The following POLN variants were observed in gnomAD, a reference collection of about 807,000 sequenced individuals.
POLN encodes DNA polymerase N.
A neutral mutation model predicts 113.5 loss-of-function variants in POLN; 108 were observed. That is an observed-to-expected ratio of 0.95 (90% CI 0.81 to 1.12). POLN has a LOEUF of 1.12. Ranked by LOEUF, POLN falls within the 50% of genes most tolerant of loss-of-function variation. The pLI is 0.00. For missense variants in POLN, 1,097 were observed against 1,077.1 expected (o/e 1.02, Z -0.26); for synonymous variants, 386 against 391.5 (o/e 0.99, Z 0.17).
chr4:2,164,871 C>T (rs1732692208), intron 13 of POLN, among the ~76,000 whole-genome samples: 1 of 126,154 alleles, frequency 7.9e-6, no homozygotes, highest in South Asian at 2.8e-4. Flanking sequence ...ATACCCAACA[C>T]CTATTAGAAT....
chr4:2,136,826 G>A (rs1187643069), intron 16 of POLN, among the ~76,000 whole-genome samples: 1 of 152,214 alleles, frequency 6.6e-6, no homozygotes, highest in African/African-American at 2.4e-5. Context: ...AAAAGGTGAT[G>A]GCAGCCCTGC....
chr4:2,130,082 T>C (rs1007831050), intron 17 of POLN, among the ~76,000 whole-genome samples: 1 of 151,810 alleles, frequency 6.6e-6, no homozygotes, highest in Admixed American at 6.6e-5. Flanking sequence ...GGTGAAACCC[T>C]ATCTCTACTA....
chr4:2,130,266 A>AGAGGAGAGGGGAGGAGAGGG (rs1279034389), intron 17 of POLN, among the ~76,000 whole-genome samples: 40 of 121,648 alleles, frequency 3.3e-4, no homozygotes, highest in African/African-American at 1.1e-3. Context: ...ACAGAAGAGG[A>AGAGGAGAGGGGAGGAGAGGG]GAGGAGAGGG....
chr4:2,224,454 A>G (rs1046655963), intron 3 of POLN, among the ~76,000 whole-genome samples: 3 of 152,240 alleles, frequency 2.0e-5, no homozygotes, highest in African/African-American at 4.8e-5. Flanking sequence ...TATATAAACC[A>G]GTAACACAGT....
chr4:2,163,272 G>A (rs1417784500), intron 13 of POLN, among the ~76,000 whole-genome samples: 1 of 152,190 alleles, frequency 6.6e-6, no homozygotes, highest in East Asian at 1.9e-4. Context: ...CTATCCCTAG[G>A]TGGGTGAAAG....
intron 16 of POLN, among the ~76,000 whole-genome samples, chr4:2,145,965 A>T (rs1732127944): frequency 6.6e-6 from 1 of 152,210 alleles, no homozygotes; most frequent in African/African-American, 2.4e-5. Flanking sequence ...AACACAGATA[A>T]ATCTCAAAAA....
intron 6 of POLN, among the ~76,000 whole-genome samples, chr4:2,196,517 C>T (rs940698352): frequency 6.6e-6 from 1 of 152,010 alleles, no homozygotes; most frequent in African/African-American, 2.4e-5. Flanking sequence ...CATGGCCACC[C>T]AATGCTATGT....
chr4:2,227,160 T>C (rs1734418771), intron 3 of POLN, among the ~76,000 whole-genome samples: 1 of 152,188 alleles, frequency 6.6e-6, no homozygotes, highest in African/African-American at 2.4e-5. Context: ...TATATAAAAC[T>C]GTAATGTCAG....
Position 2,153,978 on chromosome 4 carries a change from A to C in POLN, c.1731+2810T>G, listed in dbSNP as rs374694715. Among the ~76,000 whole-genome samples the C allele has an allele frequency of 3.5e-3, 523 of 151,580 alleles. 3 individuals carry two copies. The Middle Eastern group carries it at 0.061, about 18-fold the overall frequency. On this transcript the variant is annotated intron_variant, in intron 16 of 25. Coordinates refer to ENST00000511885, the MANE Select transcript of POLN (RefSeq NM_181808.4). ...TTTGGGAGGCCGAGGCGGGCGGATC[A>C]CAAGGTCAGGAGATTGAGACCATCC... is the stretch of plus-strand genomic sequence containing the variant.
intron 2 of POLN, chr4:2,231,227 A>G (rs1734568472): frequency 6.6e-6 from 1 of 152,250 alleles, no homozygotes; most frequent in Non-Finnish European, 1.5e-5. Flanking sequence ...TTGACAGTCA[A>G]ACATGAGGGG....
chr4:2,232,780 T>C lies in POLN; in HGVS notation c.-12-3537A>G, dbSNP rs148396437. Among the ~76,000 whole-genome samples the C allele has an allele frequency of 7.8e-3, 1,186 of 152,300 alleles. 10 individuals are homozygous for C. Among genetic ancestry groups the C allele is most frequent in the Non-Finnish European group, 9.8e-3 (666 of 67,998 alleles). On this transcript the variant is annotated intron_variant, in intron 2 of 25. Transcript: ENST00000511885. The stretch of plus-strand genomic sequence containing the variant: ...CAGTAAATTCAAATTCCTCAGTGTC[T>C]AGCATTTAAACCAGATTATTAACAA...
At chr4:2,110,599 A>G (rs1458095851) in intron 19 of POLN, among the ~76,000 whole-genome samples, 1 of 152,230 alleles carries the variant, frequency 6.6e-6, no homozygotes, top group Non-Finnish European at 1.5e-5. Context: ...CCATCAGAGA[A>G]TACTATAAAC....
chr4:2,155,731 T>C (rs541054012), intron 16 of POLN, among the ~76,000 whole-genome samples: 2 of 152,330 alleles, frequency 1.3e-5, no homozygotes, highest in South Asian at 4.1e-4. Context: ...TTCATATATT[T>C]AAATTTAAAT....
intron 13 of POLN, 78 bp from the exon 14 acceptor site, chr4:2,159,289 TC>T (rs1732519113): frequency 8.2e-7 from 1 of 1,214,104 alleles, no homozygotes; most frequent in African/African-American, 1.5e-5. Context: ...CTGGAGAAAG[TC>T]CTCATAATAA....
At chr4:2,190,978 C>T (rs772705061) in intron 7 of POLN, among the ~76,000 whole-genome samples, 6 of 152,080 alleles carry the variant, frequency 3.9e-5, no homozygotes, top group Non-Finnish European at 5.9e-5. Flanking sequence ...CCTCAAAAAA[C>T]GAAATAGAAC....
At chr4:2,124,028 A>T (rs907026744) in intron 19 of POLN, among the ~76,000 whole-genome samples, 2 of 152,342 alleles carry the variant, frequency 1.3e-5, no homozygotes, top group South Asian at 4.1e-4. Context: ...GGAATGAAGT[A>T]CTGTTAGCTC....
intron 3 of POLN, among the ~76,000 whole-genome samples, chr4:2,217,005 C>T (rs1476598630): frequency 1.3e-5 from 2 of 152,176 alleles, no homozygotes; most frequent in Non-Finnish European, 2.9e-5. Flanking sequence ...GCCAAGTCAT[C>T]CTATTAATGT....
chr4:2,133,708 C>T (rs1577713378), intron 16 of POLN, among the ~76,000 whole-genome samples: 1 of 152,150 alleles, frequency 6.6e-6, no homozygotes, highest in Non-Finnish European at 1.5e-5. Flanking sequence ...GTCTTTAAGA[C>T]TCCATTTGTT....
intron 5 of POLN, 126 bp downstream of exon 5, chr4:2,207,857 CACTT>C (rs1388664284): frequency 1.7e-5 from 18 of 1,038,526 alleles, no homozygotes; most frequent in East Asian, 2.6e-5. Flanking sequence ...CATTGTCAAT[CACTT>C]ACCACTGGAG....
Sources: gnomAD v4.1 joint callset for allele counts (sites outside exome capture counted in the v4.1 genomes callset) on GRCh38, gnomAD v4.1.1 for gene constraint, MANE v1.5 for transcripts, NCBI Gene and HGNC (gene_info 2026-07-23, HGNC 2026-07-21) for gene names.